Variants in GOT1L1 observed in about 807,000 individuals in gnomAD.
GOT1L1 encodes the protein glutamic-oxaloacetic transaminase 1 like 1.
Under a neutral mutation model 43.6 loss-of-function variants are expected in GOT1L1, and 38 were observed. That is an observed-to-expected ratio of 0.87 (90% CI 0.67 to 1.14). The LOEUF (loss-of-function observed/expected upper bound fraction) is 1.14. Ranked by LOEUF, GOT1L1 falls within the 50% of genes most tolerant of loss-of-function variation. The pLI, the probability that GOT1L1 is intolerant of heterozygous loss-of-function variation, is 0.00. For synonymous variants in GOT1L1, 183 were observed against 187.2 expected, an observed-to-expected ratio of 0.98 and a Z score of 0.18; for missense variants, 482 against 504.0, an observed-to-expected ratio of 0.96 and a Z score of 0.42.
Position 37,935,952 on chromosome 8 carries a change from G to A in GOT1L1, c.764-83C>T. 1.1e-5 allele frequency: 16 copies of A among 1,480,126 alleles called. No individual in the cohort carries two copies. The South Asian group carries it at 2.0e-4, about 19-fold the overall frequency. 91.7% of individuals were successfully genotyped at this position (1,480,126 alleles called of 1,614,324 possible). A position where few individuals can be genotyped will look rare whatever the true frequency, so the allele number is the denominator to read the frequency against. ...CACCTAGATCTCAACCCCCAACCTT[G>A]CAGAAGAAAGGGTTGAACCACAAGG... On this transcript the variant is annotated intron_variant, in intron 6 of 8. Coordinates refer to ENST00000307599, the MANE Select transcript of GOT1L1 (RefSeq NM_152413.3).
intron 6 of GOT1L1, 142 bp from the exon 7 acceptor site, chr8:37,936,011 G>T: frequency 2.3e-6 from 2 of 870,938 alleles, no homozygotes; most frequent in Non-Finnish European, 3.3e-6. Flanking sequence ...TGATATTCAG[G>T]CTCCGGGAAG....
At chr8:37,937,870 G>T in intron 2 of GOT1L1, 121 bp from the exon 3 acceptor site, 1 of 647,666 alleles carries the variant, frequency 1.5e-6, no homozygotes. Context: ...TTGAAACCCC[G>T]TATCTACTAA....
At chr8:37,939,447 T>A (rs1416843690) in intron 1 of GOT1L1, among the ~76,000 whole-genome samples, 1,304 of 36,492 alleles carry the variant, frequency 0.036, 118 homozygotes, top group East Asian at 0.1. Flanking sequence ...TATATATATA[T>A]ATATATATAT....
chr8:37,936,980 C>T lies in GOT1L1; in HGVS notation c.597G>A (p.Leu199=). The T allele has an allele frequency of 6.2e-7, 1 of 1,613,924 alleles. No homozygotes were observed. The highest frequency in any genetic ancestry group is 8.5e-7 in the Non-Finnish European group (1 of 1,179,862). The change falls in exon 5 of 9, where the codon TTG becomes TTA. Residue 199 remains leucine, a synonymous_variant. Transcript: ENST00000307599. ...TTGGGTTTACCTTTATCATGGACAT[C>T]AACTTTGCCCACCCACTTGGTGTCA... is the stretch of plus-strand genomic sequence containing the variant. ...CKLTPSGWAK[L]MSMIKSKQIF...
chr8:37,938,536 G>A (rs562731447), intron 2 of GOT1L1, among the ~76,000 whole-genome samples, 164 bp downstream of exon 2: 13 of 152,310 alleles, frequency 8.5e-5, no homozygotes, highest in South Asian at 6.2e-4. Context: ...CTGAGATTCC[G>A]ATCCTGACTC....
chr8:37,937,828 T>G, intron 2 of GOT1L1, 79 bp from the exon 3 acceptor site: 2 of 912,044 alleles, frequency 2.2e-6, no homozygotes, highest in Non-Finnish European at 3.5e-6. Flanking sequence ...GAGGCTGGGG[T>G]GGGTGGATCA....
chr8:37,939,431 AATATATATATATATATATAT>A (rs1188997870), intron 1 of GOT1L1, among the ~76,000 whole-genome samples: 1,059 of 41,740 alleles, frequency 0.025, 122 homozygotes, highest in African/African-American at 0.079. Context: ...AAAAAAAAAA[AATATATATATATATATATAT>A]ATATATATAT....
chr8:37,940,107 G>T lies in GOT1L1; in HGVS notation c.-78C>A, dbSNP rs1006512707. 17 of 1,502,836 alleles carry T rather than the reference G, an allele frequency of 1.1e-5. No individual in the cohort carries two copies. The highest frequency in any genetic ancestry group is 2.3e-4 in the Middle Eastern group (1 of 4,434). The allele number at this position is 1,502,836 out of a possible 1,614,324, so 93.1% of individuals were successfully genotyped here. A position where few individuals can be genotyped will look rare whatever the true frequency, so the allele number is the denominator to read the frequency against. ...TTCTGCCCAGAAGTCTTCCTCCAAG[G>T]CTGGGCCGGGCAGTCCTGCCTCTTC... is the stretch of plus-strand genomic sequence containing the variant. On this transcript the variant is annotated 5_prime_UTR_variant, in exon 1 of 9. Transcript: ENST00000307599.
At chr8:37,937,916 G>C (rs4956536) in intron 2 of GOT1L1, among the ~76,000 whole-genome samples, 167 bp from the exon 3 acceptor site, 68,084 of 151,454 alleles carry the variant, frequency 0.45, 15,764 homozygotes, top group East Asian at 0.77. Context: ...TGTTGGGCAT[G>C]TGTAATCCCC....
chr8:37,936,931 A>G, intron 5 of GOT1L1, 34 bp downstream of exon 5: 1 of 1,612,240 alleles, frequency 6.2e-7, no homozygotes, highest in Non-Finnish European at 8.5e-7. Context: ...CAGAGAGTCA[A>G]AGACAGGAAG....
rs750895732 is a variant in GOT1L1 at position 37,938,772 on chromosome 8, GC to G, written c.224del (p.Gly75AlafsTer2). ...GAGAGGCCTGGATGAATGATTTCAG[GC>G]CCATGGTGGGCAAGTACTCATAATT... is the stretch of plus-strand genomic sequence containing the variant. ...SLNYEYLPTM[G>X]LKSFIQASLA... On this transcript the variant is annotated frameshift_variant, in exon 2 of 9. Transcript: ENST00000307599. LOFTEE classifies it high-confidence loss of function. 1 of 1,611,654 alleles carries G rather than the reference GC, an allele frequency of 6.2e-7. No individual in the cohort carries two copies. The highest frequency in any genetic ancestry group is 1.7e-5 in the Admixed American group (1 of 59,588).
Position 37,935,738 on chromosome 8 carries a change from A to C in GOT1L1, c.895T>G (p.Ser299Ala). ...PPNTGARVIT[S>A]ILCNPALLGE... ...AGCAGAGCAGGGTTGCAGAGGATGG[A>C]GGTGATGACACGTGCACCCGTGTTG... The change falls in exon 7 of 9, where the codon TCC becomes GCC. Residue 299 changes from serine (S) to alanine (A), a missense_variant. Coordinates refer to ENST00000307599, the MANE Select transcript of GOT1L1 (RefSeq NM_152413.3). The C allele has an allele frequency of 6.2e-7, 1 of 1,607,934 alleles. No homozygotes were observed. Among genetic ancestry groups the C allele is most frequent in the South Asian group, 1.1e-5 (1 of 90,078 alleles).
chr8:37,939,833 C>A, intron 1 of GOT1L1, 82 bp downstream of exon 1: 1 of 1,358,896 alleles, frequency 7.4e-7, no homozygotes, highest in East Asian at 2.5e-5. Flanking sequence ...CTGCACCCCT[C>A]CCCCTGCAGC....
chr8:37,937,682 C>G lies in GOT1L1; in HGVS notation c.365G>C (p.Trp122Ser), dbSNP rs1346605592. The G allele has an allele frequency of 6.2e-7, 1 of 1,613,068 alleles. No homozygotes were observed. Reference sequence around the variant, plus strand: ...GTAAACTATACGAGCATCCTTATGCCAAGCTCTGAGAAACTGGACGCCAAG... The same window carrying G: ...GTAAACTATACGAGCATCCTTATGCGAAGCTCTGAGAAACTGGACGCCAAG... ...FQLGVQFLRA[W>S]HKDARIVYII... Residue 122 changes from tryptophan to serine, a missense_variant, in exon 3 of 9, where the codon TGG (tryptophan) becomes TCG (serine). Trp to Ser is a radical substitution (Grantham distance 177). Transcript: ENST00000307599.
intron 1 of GOT1L1, among the ~76,000 whole-genome samples, chr8:37,939,427 AAAAAATATATATATATATAT>A (rs1424527957): frequency 2.9e-4 from 15 of 51,012 alleles, no homozygotes; most frequent in African/African-American, 1.3e-3. Context: ...AAAAAAAAAA[AAAAAATATATATATATATAT>A]ATATATATAT....
In GOT1L1 at chr8:37,938,718, T is replaced by C. The variant is rs1202803806; in HGVS notation, c.279A>G (p.Gln93=). 1.3e-6 allele frequency: 2 copies of C among 1,591,286 alleles called. No homozygotes were observed. The highest frequency in any genetic ancestry group is 8.6e-7 in the Non-Finnish European group (1 of 1,168,696). The change falls in exon 2 of 9, where the codon CAA becomes CAG. Residue 93 remains glutamine (Q), a synonymous_variant. Transcript: ENST00000307599. Reference sequence around the variant, plus strand: ...TTCTCACCCTGTTCTCCACAATGGCTTGGCTGTGCTTTCCAAAGAGGAGTG... The same window carrying C: ...TTCTCACCCTGTTCTCCACAATGGCCTGGCTGTGCTTTCCAAAGAGGAGTG... The part of the protein sequence containing the change: ...SLALLFGKHS[Q]AIVENRVGGV...
chr8:37,935,744 T>C lies in GOT1L1; in HGVS notation c.889A>G (p.Ile297Val), dbSNP rs750252350. 5.6e-6 allele frequency: 9 copies of C among 1,608,974 alleles called. No individual in the cohort carries two copies. In the South Asian group the frequency reaches 7.8e-5, roughly 14 times the overall value. Residue 297 changes from isoleucine (I) to valine (V), a missense_variant, in exon 7 of 9, where the codon ATC becomes GTC. Physicochemically the swap from Ile to Val is conservative, Grantham distance 29. Coordinates refer to ENST00000307599, the MANE Select transcript of GOT1L1 (RefSeq NM_152413.3). ...GCAGGGTTGCAGAGGATGGAGGTGATGACACGTGCACCCGTGTTGGGGGGG... is the reference window on the plus strand; with the variant it reads ...GCAGGGTTGCAGAGGATGGAGGTGACGACACGTGCACCCGTGTTGGGGGGG... The part of the protein sequence containing the change: ...LNPPNTGARV[I>V]TSILCNPALL...
intron 3 of GOT1L1, 83 bp downstream of exon 3, chr8:37,937,555 A>G (rs1807796799): frequency 1.6e-5 from 18 of 1,120,858 alleles, no homozygotes; most frequent in Non-Finnish European, 2.4e-5. Flanking sequence ...AGAATGAGGG[A>G]TAACAGTGAA....
Position 37,940,067 on chromosome 8 carries a change from G to C in GOT1L1, c.-38C>G. On this transcript the variant is annotated 5_prime_UTR_variant, in exon 1 of 9. Coordinates refer to ENST00000307599, the MANE Select transcript of GOT1L1 (RefSeq NM_152413.3). ...ACTGGAGCCAAGACTATGTGTCTCT[G>C]CTCCTGTGTTCCGCTTCTGCCCAGA... 6.3e-7 allele frequency: 1 copy of C among 1,588,898 alleles called. No individual in the cohort carries two copies. Among genetic ancestry groups the C allele is most frequent in the Non-Finnish European group, 8.6e-7 (1 of 1,167,248 alleles).
Sources: allele counts gnomAD v4.1 joint callset (sites outside exome capture counted in the v4.1 genomes callset), GRCh38; gene constraint gnomAD v4.1.1; transcripts MANE v1.5; gene names NCBI Gene and HGNC (gene_info 2026-07-23, HGNC 2026-07-21).